LRFN5: variants seen among roughly 807,000 people sequenced by gnomAD.
The protein encoded by LRFN5 is leucine-rich repeat and fibronectin type-III domain-containing protein 5.
In LRFN5, 24 loss-of-function variants were observed where a neutral mutation model predicts 45.6. That is an observed-to-expected ratio of 0.53 (90% confidence interval 0.38 to 0.74). The LOEUF is 0.74. LRFN5 is among the 30% of genes least tolerant of loss of function. LRFN5 has a pLI of 0.00. For missense variants in LRFN5, 776 were observed against 861.5 expected (o/e 0.90, Z 1.24); for synonymous variants, 340 against 313.8 (o/e 1.08, Z -0.88).
At chr14:41,650,573 T>C (rs1880062409) in intron 1 of LRFN5, among the ~76,000 whole-genome samples, 3 of 152,180 alleles carry the variant, frequency 2.0e-5, no homozygotes, top group Admixed American at 2.0e-4. Context: ...CCTGACAGTA[T>C]GTATAAAACT....
In LRFN5 at chr14:41,878,489, C is replaced by T. The variant is rs1377614235; in HGVS notation, c.-20-8117C>T. Among the ~76,000 whole-genome samples the T allele has an allele frequency of 2.0e-5, 3 of 152,094 alleles. No individual in the cohort carries two copies. In the South Asian group the frequency reaches 6.2e-4, roughly 32 times the overall value. On this transcript the variant is annotated intron_variant, in intron 2 of 5. Coordinates refer to ENST00000298119, the MANE Select transcript of LRFN5 (RefSeq NM_152447.5). ...CCAAATAAGTACTGATACTCTTGAG[C>T]ATATGTTATGTAATAGCCGTGACAG...
At chr14:41,831,051 C>A (rs779890714) in intron 2 of LRFN5, among the ~76,000 whole-genome samples, 33 of 152,298 alleles carry the variant, frequency 2.2e-4, no homozygotes, top group Non-Finnish European at 3.7e-4. Context: ...ACTCTTGTCA[C>A]TCTTAAAAAC....
At chr14:41,846,401 G>C (rs567723773) in intron 2 of LRFN5, among the ~76,000 whole-genome samples, 2 of 151,952 alleles carry the variant, frequency 1.3e-5, no homozygotes, top group African/African-American at 2.4e-5. Flanking sequence ...TGCTATAATC[G>C]TATAATGTAA....
At chr14:41,729,853 T>G (rs1452356346) in intron 1 of LRFN5, among the ~76,000 whole-genome samples, 1 of 152,022 alleles carries the variant, frequency 6.6e-6, no homozygotes. Flanking sequence ...TTTGGAGTTT[T>G]AAATATTTTA....
chr14:41,719,538 C>T (rs1053397399), intron 1 of LRFN5, among the ~76,000 whole-genome samples: 1 of 152,008 alleles, frequency 6.6e-6, no homozygotes, highest in South Asian at 2.1e-4. Flanking sequence ...TTTTACTATG[C>T]CAACACTTAA....
At chr14:41,609,301 C>A (rs1055479705) in intron 1 of LRFN5, among the ~76,000 whole-genome samples, 4 of 151,846 alleles carry the variant, frequency 2.6e-5, no homozygotes, top group Admixed American at 2.0e-4. Flanking sequence ...CACGGACACG[C>A]AACTCCTTTG....
intron 2 of LRFN5, among the ~76,000 whole-genome samples, chr14:41,769,383 C>T (rs867258011): frequency 6.6e-6 from 1 of 152,128 alleles, no homozygotes. Context: ...TTTCTCTATT[C>T]GTTCTCACTT....
chr14:41,890,684 G>T (rs1315751656), intron 3 of LRFN5, among the ~76,000 whole-genome samples: 1 of 150,036 alleles, frequency 6.7e-6, no homozygotes, highest in East Asian at 2.0e-4. Context: ...TCCAGCCTGG[G>T]CGACAGAGCG....
chr14:41,673,497 TCCTCACTTCCCAGTAGGGGCGGCCGGGCA>T (rs1881360676), intron 1 of LRFN5, among the ~76,000 whole-genome samples: 1 of 134,210 alleles, frequency 7.5e-6, no homozygotes, highest in Non-Finnish European at 1.6e-5. Context: ...GCAGAGGGGC[TCCTCACTTCCCAGTAGGGGCGGCCGGGCA>T]GAGGCACCCC....
intron 1 of LRFN5, among the ~76,000 whole-genome samples, chr14:41,668,158 A>G (rs1012597988): frequency 2.0e-5 from 3 of 151,976 alleles, no homozygotes; most frequent in African/African-American, 4.8e-5. Flanking sequence ...CTGTGTAGAT[A>G]TAGCCATTAA....
At chr14:41,619,126 T>A (rs1480808572) in intron 1 of LRFN5, among the ~76,000 whole-genome samples, 2 of 152,150 alleles carry the variant, frequency 1.3e-5, no homozygotes, top group African/African-American at 4.8e-5. Context: ...TAGTTCAGTG[T>A]GGTATTCTGT....
At position 41,804,274 on chromosome 14, in the gene LRFN5, G is replaced by A. The variant is rs1161983662; in HGVS notation, c.-21+37245G>A. On this transcript the variant is annotated intron_variant, in intron 2 of 5. Transcript: ENST00000298119. ...TGAATGAGTATTGATGATTGGTTGG[G>A]GATGCAATCATAGGGGTGTAGAAAA... is the stretch of plus-strand genomic sequence containing the variant. Among the ~76,000 whole-genome samples the A allele has an allele frequency of 2.0e-5, 3 of 152,128 alleles. No homozygotes were observed. The East Asian group carries it at 5.8e-4, about 29-fold the overall frequency.
At chr14:41,724,385 T>A (rs1052408122) in intron 1 of LRFN5, among the ~76,000 whole-genome samples, 1 of 152,230 alleles carries the variant, frequency 6.6e-6, no homozygotes, top group African/African-American at 2.4e-5. Context: ...ATAAGGTTTT[T>A]TTCAGACAAC....
intron 1 of LRFN5, among the ~76,000 whole-genome samples, chr14:41,710,852 G>A (rs1054313725): frequency 3.3e-5 from 5 of 151,344 alleles, no homozygotes; most frequent in Non-Finnish European, 7.4e-5. Flanking sequence ...TCCCACCTAC[G>A]AGTGAGAACA....
chr14:41,862,989 C>T lies in LRFN5; in HGVS notation c.-20-23617C>T, dbSNP rs1416218705. 1.2e-4 allele frequency among the ~76,000 whole-genome samples: 18 copies of T among 151,626 alleles called. 1 individual carries two copies. The East Asian group carries it at 1.8e-3, about 15-fold the overall frequency. ...ACGCCATTCTCCTGCCTCAGCCTCCCGAGTAGGTGGGACTACAGGCGCCCG... is the reference window on the plus strand; with the variant it reads ...ACGCCATTCTCCTGCCTCAGCCTCCTGAGTAGGTGGGACTACAGGCGCCCG... On this transcript the variant is annotated intron_variant, in intron 2 of 5. Coordinates refer to ENST00000298119, the MANE Select transcript of LRFN5 (RefSeq NM_152447.5).
At chr14:41,781,599 A>AG (rs1886507683) in intron 2 of LRFN5, among the ~76,000 whole-genome samples, 1 of 89,816 alleles carries the variant, frequency 1.1e-5, no homozygotes, top group Non-Finnish European at 2.2e-5. Context: ...AAAGAAAGAA[A>AG]GAAAGAAAGA....
Position 41,639,254 on chromosome 14 carries a change from A to G in LRFN5, c.-197+30692A>G, listed in dbSNP as rs574607264. ...AGGCACAGGGAACACAACGTTAACGAGTAGGTTTGCCTTCAAAGGATGGAC... is the reference window on the plus strand; with the variant it reads ...AGGCACAGGGAACACAACGTTAACGGGTAGGTTTGCCTTCAAAGGATGGAC... On this transcript the variant is annotated intron_variant, in intron 1 of 5. Coordinates refer to ENST00000298119, the MANE Select transcript of LRFN5 (RefSeq NM_152447.5). Among the ~76,000 whole-genome samples the G allele has an allele frequency of 2.6e-4, 40 of 152,240 alleles. No homozygotes were observed. In the East Asian group the frequency reaches 6.4e-3, roughly 24 times the overall value.
intron 2 of LRFN5, among the ~76,000 whole-genome samples, chr14:41,793,935 G>A (rs1201340242): frequency 1.3e-5 from 2 of 151,958 alleles, no homozygotes; most frequent in Admixed American, 1.3e-4. Context: ...CTACTCTCCT[G>A]TCGTTATATT....
chr14:41,843,567 T>A (rs10144576), intron 2 of LRFN5, among the ~76,000 whole-genome samples: 6,283 of 152,252 alleles, frequency 0.041, 430 homozygotes, highest in African/African-American at 0.14. Flanking sequence ...TTTTAGTGAA[T>A]GATCCAATTC....
Sources: gnomAD v4.1 joint callset for allele counts (sites outside exome capture counted in the v4.1 genomes callset) on GRCh38, gnomAD v4.1.1 for gene constraint, MANE v1.5 for transcripts, NCBI Gene and HGNC (gene_info 2026-07-23, HGNC 2026-07-21) for gene names.